LRP1B: variants seen among roughly 807,000 people sequenced by gnomAD.
LRP1B encodes LDL receptor related protein 1B, also known as low-density lipoprotein receptor-related protein 1B.
A neutral mutation model predicts 556.6 loss-of-function variants in LRP1B; 217 were observed. The ratio of observed to expected loss-of-function variants is 0.39; its 90% confidence interval spans 0.35 to 0.44. The LOEUF (loss-of-function observed/expected upper bound fraction) is 0.44, where lower values mean the gene tolerates loss of function less well. Among genes scored for constraint, LRP1B ranks in the 20% least tolerant of loss-of-function variants. LRP1B has a pLI of 1.00. For synonymous variants in LRP1B, 2,047 were observed against 1,865.8 expected, an observed-to-expected ratio of 1.10 and a Z score of -2.50; for missense variants, 5,053 against 5,620.8, an observed-to-expected ratio of 0.90 and a Z score of 3.23.
rs1327159070 is a variant in LRP1B, at chr2:140,232,378, T to A, written c.*808A>T. 1 of 151,530 alleles carries A rather than the reference T, an allele frequency of 6.6e-6. No individual in the cohort carries two copies. Among genetic ancestry groups the A allele is most frequent in the Non-Finnish European group, 1.5e-5 (1 of 67,564 alleles). The allele number at this position is 151,530 out of a possible 1,614,324, so 9.4% of individuals were successfully genotyped here. ...AAGATGCAAGTACCCAATGCCCTGT[T>A]GTGCTCTAGGCTGGCTATTTATCTC... On this transcript the variant is annotated 3_prime_UTR_variant, in exon 91 of 91. Transcript: ENST00000389484.
At chr2:141,425,207 A>G (rs10197118) in intron 3 of LRP1B, among the ~76,000 whole-genome samples, 30,140 of 151,722 alleles carry the variant, frequency 0.2, 3,659 homozygotes, top group East Asian at 0.45. Flanking sequence ...ACTGAGAATG[A>G]TGATTTCCAA....
At chr2:140,496,375 T>A (rs1688938676) in intron 55 of LRP1B, among the ~76,000 whole-genome samples, 2 of 152,228 alleles carry the variant, frequency 1.3e-5, no homozygotes, top group South Asian at 2.1e-4. Context: ...CACACTGAAA[T>A]TTTTAATACA....
intron 2 of LRP1B, among the ~76,000 whole-genome samples, chr2:141,753,778 T>G (rs904478485): frequency 6.6e-6 from 1 of 152,158 alleles, no homozygotes; most frequent in Admixed American, 6.6e-5. Context: ...TCAGTGCAAT[T>G]ACACTATATA....
intron 1 of LRP1B, among the ~76,000 whole-genome samples, chr2:142,129,228 C>A (rs1032278827): frequency 5.3e-5 from 8 of 152,206 alleles, no homozygotes; most frequent in Non-Finnish European, 8.8e-5. Flanking sequence ...AGTATAGTTT[C>A]CAACCATTCC....
chr2:141,539,643 C>T (rs1685184243), intron 2 of LRP1B, among the ~76,000 whole-genome samples: 1 of 152,090 alleles, frequency 6.6e-6, no homozygotes, highest in African/African-American at 2.4e-5. Flanking sequence ...TGCACAACTT[C>T]CTTGAAAGAT....
intron 1 of LRP1B, among the ~76,000 whole-genome samples, chr2:142,081,474 C>T (rs947637769): frequency 6.6e-6 from 1 of 151,904 alleles, no homozygotes; most frequent in Non-Finnish European, 1.5e-5. Flanking sequence ...ACACATTAAG[C>T]CATTCACTGT....
At chr2:140,326,193 TTTTC>T (rs1301068644) in intron 79 of LRP1B, among the ~76,000 whole-genome samples, 9 of 152,244 alleles carry the variant, frequency 5.9e-5, no homozygotes, top group Middle Eastern at 3.4e-3. Flanking sequence ...TCTAATAGAC[TTTTC>T]TTTAATATTT....
At chr2:141,790,714 C>A (rs560549963) in intron 2 of LRP1B, among the ~76,000 whole-genome samples, 1 of 151,808 alleles carries the variant, frequency 6.6e-6, no homozygotes, top group Non-Finnish European at 1.5e-5. Flanking sequence ...GGTAACAAAC[C>A]AGTCCATATT....
rs192969167 is a variant in LRP1B, at chr2:141,408,609, A to C, written c.343+71787T>G. Reference sequence around the variant, plus strand: ...TAACAAAAACAGAGTGTAAAAAAAAATAAATCTATGGTTTTTCATACTTAT... The same window carrying C: ...TAACAAAAACAGAGTGTAAAAAAAACTAAATCTATGGTTTTTCATACTTAT... On this transcript the variant is annotated intron_variant, in intron 3 of 90. Transcript: ENST00000389484. 5.0e-4 allele frequency among the ~76,000 whole-genome samples: 76 copies of C among 152,298 alleles called. No individual in the cohort carries two copies. In the East Asian group the frequency reaches 0.012, roughly 24 times the overall value.
At chr2:140,675,027 G>A (rs549204943) in intron 41 of LRP1B, among the ~76,000 whole-genome samples, 14 of 152,238 alleles carry the variant, frequency 9.2e-5, no homozygotes, top group African/African-American at 3.1e-4. Context: ...AGAGGCTGAT[G>A]GTATTATTTG....
At chr2:141,237,495 T>C (rs1256023473) in intron 5 of LRP1B, among the ~76,000 whole-genome samples, 2 of 152,040 alleles carry the variant, frequency 1.3e-5, no homozygotes, top group African/African-American at 4.8e-5. Context: ...CATGAGCCAC[T>C]GTGCCAAACC....
intron 25 of LRP1B, among the ~76,000 whole-genome samples, chr2:140,876,650 T>C (rs1305033549): frequency 1.3e-5 from 2 of 152,276 alleles, no homozygotes; most frequent in African/African-American, 4.8e-5. Context: ...GCTCCAAGTT[T>C]ATCTTGGAAC....
At chr2:140,356,872 G>A (rs1179371255) in intron 74 of LRP1B, among the ~76,000 whole-genome samples, 1 of 151,732 alleles carries the variant, frequency 6.6e-6, no homozygotes, top group Non-Finnish European at 1.5e-5. Flanking sequence ...GGCATTTATT[G>A]CTAACCTAAG....
chr2:141,717,090 T>C (rs1442702638), intron 2 of LRP1B, among the ~76,000 whole-genome samples: 5 of 152,164 alleles, frequency 3.3e-5, no homozygotes, highest in Non-Finnish European at 5.9e-5. Context: ...ATTCCACTTT[T>C]ATTTTTCTAA....
At chr2:141,092,236 A>G (rs560787830) in intron 7 of LRP1B, among the ~76,000 whole-genome samples, 1 of 152,314 alleles carries the variant, frequency 6.6e-6, no homozygotes, top group East Asian at 1.9e-4. Flanking sequence ...GCTTCAACCA[A>G]AGAGTTATAG....
intron 1 of LRP1B, among the ~76,000 whole-genome samples, chr2:141,966,505 CAGCTCCTGCAGCA>C (rs1223825802): frequency 6.6e-6 from 1 of 151,848 alleles, no homozygotes; most frequent in Non-Finnish European, 1.5e-5. Context: ...AGGGGCCAGC[CAGCTCCTGCAGCA>C]TCTAATAGAC....
At chr2:141,986,669 G>A (rs1324616901) in intron 1 of LRP1B, among the ~76,000 whole-genome samples, 1 of 151,878 alleles carries the variant, frequency 6.6e-6, no homozygotes. Flanking sequence ...TTTCTAAATG[G>A]TGACGTATGT....
chr2:140,278,116 C>T (rs1032186245), intron 84 of LRP1B, among the ~76,000 whole-genome samples: 2 of 151,552 alleles, frequency 1.3e-5, no homozygotes, highest in Non-Finnish European at 2.9e-5. Flanking sequence ...AAAATAGACA[C>T]AAAATATGTA....
chr2:141,492,215 C>T (rs1393173913), intron 2 of LRP1B, among the ~76,000 whole-genome samples: 1 of 151,864 alleles, frequency 6.6e-6, no homozygotes, highest in African/African-American at 2.4e-5. Flanking sequence ...TTTGAATCCA[C>T]AGAAAGTATT....
Sources: gnomAD v4.1 joint callset for allele counts (sites outside exome capture counted in the v4.1 genomes callset) on GRCh38, gnomAD v4.1.1 for gene constraint, MANE v1.5 for transcripts, NCBI Gene and HGNC (gene_info 2026-07-23, HGNC 2026-07-21) for gene names.